The following IFT122 variants were observed in gnomAD, a reference collection of about 807,000 sequenced individuals.
The protein encoded by IFT122 is intraflagellar transport 122.
Under a neutral mutation model 161.6 loss-of-function variants are expected in IFT122, and 118 were observed. The ratio of observed to expected loss-of-function variants is 0.73; its 90% CI spans 0.63 to 0.85. The LOEUF (loss-of-function observed/expected upper bound fraction) is 0.85, where lower values mean the gene tolerates loss of function less well. IFT122 is among the 40% of genes least tolerant of loss of function. The pLI, the probability that IFT122 is intolerant of heterozygous loss-of-function variation, is 0.00. For missense variants in IFT122, 1,381 were observed against 1,579.6 expected, an observed-to-expected ratio of 0.87 and a Z score of 2.13; for synonymous variants, 550 against 602.4, an observed-to-expected ratio of 0.91 and a Z score of 1.27.
At chr3:129,507,931 CTGTT>C (rs969297972) in intron 23 of IFT122, among the ~76,000 whole-genome samples, 169 bp downstream of exon 23, 4 of 152,224 alleles carry the variant, frequency 2.6e-5, no homozygotes, top group South Asian at 2.1e-4. Context: ...CTTTGATTGA[CTGTT>C]TGTCTGCCAT....
intron 12 of IFT122, 114 bp from the exon 13 acceptor site, chr3:129,479,671 T>C: frequency 1.5e-6 from 2 of 1,297,734 alleles, no homozygotes. Flanking sequence ...GTTAGATAGA[T>C]GGATACTGAA....
intron 4 of IFT122, 182 bp from the exon 5 acceptor site, chr3:129,461,043 TGAG>T: frequency 9.5e-7 from 1 of 1,049,382 alleles, no homozygotes; most frequent in South Asian, 1.3e-5. Context: ...AAACAGTGGG[TGAG>T]GAGAAGGAGA....
chr3:129,517,828 G>A (rs1386374824), intron 27 of IFT122, among the ~76,000 whole-genome samples: 1 of 152,210 alleles, frequency 6.6e-6, no homozygotes, highest in Non-Finnish European at 1.5e-5. Context: ...GTCTTCCCGT[G>A]TGGGTCTCCC....
At chr3:129,490,881 T>C (rs2080000351) in intron 16 of IFT122, among the ~76,000 whole-genome samples, 1 of 152,164 alleles carries the variant, frequency 6.6e-6, no homozygotes, top group Admixed American at 6.5e-5. Flanking sequence ...TCACAAACAC[T>C]TGTTTGCCAG....
intron 16 of IFT122, 115 bp downstream of exon 16, chr3:129,488,512 G>C (rs1281661185): frequency 3.8e-6 from 5 of 1,324,532 alleles, no homozygotes; most frequent in Non-Finnish European, 5.3e-6. Context: ...TCTGGAGTTA[G>C]GCTGACCTGG....
chr3:129,461,076 G>C, intron 4 of IFT122, 152 bp from the exon 5 acceptor site: 2 of 937,662 alleles, frequency 2.1e-6, no homozygotes, highest in Non-Finnish European at 3.5e-6. Flanking sequence ...TTAGGAGTAG[G>C]AGAATTAATT....
chr3:129,446,085 A>C (rs2073952641), intron 1 of IFT122, among the ~76,000 whole-genome samples: 1 of 151,184 alleles, frequency 6.6e-6, no homozygotes, highest in Non-Finnish European at 1.5e-5. Context: ...ATCAACACAG[A>C]CTTTAAGTAT....
At chr3:129,506,325 G>A (rs2082186678) in intron 21 of IFT122, 84 bp from the exon 22 acceptor site, 1 of 1,536,980 alleles carries the variant, frequency 6.5e-7, no homozygotes, top group Non-Finnish European at 8.9e-7. Flanking sequence ...GCAGCCCTGT[G>A]CAAGCCCCAC....
chr3:129,464,600 C>T (rs1263851457), intron 6 of IFT122, 35 bp from the exon 7 acceptor site: 2 of 1,614,002 alleles, frequency 1.2e-6, no homozygotes. Context: ...GGGTGCTTCC[C>T]CTATCCCCAT....
chr3:129,516,705 C>CAT (rs2083786899), intron 26 of IFT122, among the ~76,000 whole-genome samples: 1 of 106,240 alleles, frequency 9.4e-6, no homozygotes, highest in Non-Finnish European at 1.8e-5. Flanking sequence ...CACACACACA[C>CAT]ACACACACAC....
intron 25 of IFT122, chr3:129,514,769 C>A: frequency 1.5e-6 from 1 of 648,756 alleles, no homozygotes; most frequent in Non-Finnish European, 2.7e-6. Flanking sequence ...CTCACAGCCC[C>A]CGGCCCCGGC....
rs537144081 is a variant in IFT122 at position 129,505,107 on chromosome 3, CCCT to C, written c.2650+687_2650+689del. Among the ~76,000 whole-genome samples the C allele has an allele frequency of 3.3e-5, 5 of 152,322 alleles. No individual in the cohort carries two copies. In the South Asian group the frequency reaches 8.3e-4, roughly 25 times the overall value. On this transcript the variant is annotated intron_variant, in intron 21 of 29. Coordinates refer to ENST00000348417, the MANE Select transcript of IFT122 (RefSeq NM_052989.3). Reference sequence around the variant, plus strand: ...AGTTGACTTCCCTCTCTGTGTCAGGCCCTGGCTGAGCACTTAACCTATGTAACC... The same window carrying C: ...AGTTGACTTCCCTCTCTGTGTCAGGCGGCTGAGCACTTAACCTATGTAACC...
Position 129,502,773 on chromosome 3 carries a change from C to A in IFT122, c.2438C>A (p.Thr813Asn). 4 of 1,612,830 alleles carry A rather than the reference C, an allele frequency of 2.5e-6. No homozygotes were observed. The highest frequency in any genetic ancestry group is 3.4e-6 in the Non-Finnish European group (4 of 1,180,036). Residue 813 changes from threonine (T) to asparagine (N), a missense_variant, in exon 20 of 30, where the codon ACC becomes AAC. By Grantham distance (65) the Thr-to-Asn change is moderately conservative. Around this residue, in one of 7 missense-constraint regions of IFT122, gnomAD observed 496 missense variants for 502.5 expected, o/e 0.99. Transcript: ENST00000348417. ...AEREPLLLCATYLKKLDSPGY... is the reference protein window; with the variant it reads ...AEREPLLLCANYLKKLDSPGY... ...CGCGAGCCCCTGCTGCTGTGCGCTACCTACCTCAAGAAGCTGGACAGCCCT... is the reference window on the plus strand; with the variant it reads ...CGCGAGCCCCTGCTGCTGTGCGCTAACTACCTCAAGAAGCTGGACAGCCCT...
At chr3:129,504,997 G>T (rs1266007737) in intron 21 of IFT122, among the ~76,000 whole-genome samples, 1 of 152,184 alleles carries the variant, frequency 6.6e-6, no homozygotes, top group Non-Finnish European at 1.5e-5. Context: ...GGTAAAATGG[G>T]CTGCACACAG....
chr3:129,503,357 C>T (rs1249512203), intron 20 of IFT122, among the ~76,000 whole-genome samples: 1 of 152,192 alleles, frequency 6.6e-6, no homozygotes, highest in Non-Finnish European at 1.5e-5. Flanking sequence ...CCTCCCTTCT[C>T]TGCCCCCACC....
At chr3:129,453,285 AT>A (rs972467798) in intron 3 of IFT122, among the ~76,000 whole-genome samples, 27 of 149,980 alleles carry the variant, frequency 1.8e-4, no homozygotes, top group African/African-American at 4.9e-4. Context: ...TCTCAATTCC[AT>A]TTTTTTTTTC....
At chr3:129,515,639 G>T (rs1236858835) in intron 26 of IFT122, 40 bp downstream of exon 26, 1 of 1,513,576 alleles carries the variant, frequency 6.6e-7, no homozygotes, top group East Asian at 2.3e-5. Flanking sequence ...GGGACAGCCT[G>T]TGGACAGCCA....
chr3:129,441,160 C>T (rs1303307624), intron 1 of IFT122, among the ~76,000 whole-genome samples: 3 of 152,216 alleles, frequency 2.0e-5, no homozygotes, highest in Non-Finnish European at 4.4e-5. Context: ...CATATTCTTA[C>T]TTATGGGATA....
intron 24 of IFT122, 133 bp downstream of exon 24, chr3:129,512,545 C>T (rs2082958990): frequency 1.3e-6 from 1 of 761,080 alleles, no homozygotes; most frequent in Non-Finnish European, 2.4e-6. Flanking sequence ...AGAACTCACC[C>T]TCCCGCTGCT....
Sources: allele counts gnomAD v4.1 joint callset (sites outside exome capture counted in the v4.1 genomes callset), GRCh38; gene constraint gnomAD v4.1.1; regional missense constraint gnomAD v4.1.1; transcripts MANE v1.5; gene names NCBI Gene and HGNC (gene_info 2026-07-23, HGNC 2026-07-21).